The following ACTR3B variants were observed in gnomAD, a reference collection of about 807,000 sequenced individuals.
ACTR3B encodes the protein actin-related protein 3B.
Under a neutral mutation model 59.0 loss-of-function variants are expected in ACTR3B, and 8 were observed. The ratio of observed to expected loss-of-function variants is 0.14; its 90% CI spans 0.08 to 0.24. The LOEUF is 0.24. Among genes scored for constraint, ACTR3B ranks in the 10% least tolerant of loss-of-function variants. The pLI is 1.00. For synonymous variants in ACTR3B, 148 were observed against 197.9 expected (o/e 0.75, Z 2.12); for missense variants, 245 against 552.3 (o/e 0.44, Z 5.58).
At chr7:152,831,543 C>T (rs980650851) in intron 9 of ACTR3B, among the ~76,000 whole-genome samples, 8 of 152,238 alleles carry the variant, frequency 5.3e-5, no homozygotes, top group African/African-American at 1.9e-4. Context: ...GCGTTTTAAA[C>T]TTTAACTATT....
chr7:152,818,330 G>A (rs2948935), intron 6 of ACTR3B, among the ~76,000 whole-genome samples: 197 of 152,004 alleles, frequency 1.3e-3, no homozygotes, highest in African/African-American at 4.5e-3. Context: ...TCCTCCAGCT[G>A]TAAAAATTAC....
chr7:152,801,969 C>A (rs890418506), intron 4 of ACTR3B, among the ~76,000 whole-genome samples: 1 of 151,996 alleles, frequency 6.6e-6, no homozygotes, highest in Non-Finnish European at 1.5e-5. Flanking sequence ...AGCAGCTCAG[C>A]GATGGAATTG....
At chr7:152,816,410 C>T in intron 5 of ACTR3B, 71 bp from the exon 6 acceptor site, 1 of 1,393,130 alleles carries the variant, frequency 7.2e-7, no homozygotes, top group South Asian at 1.4e-5. Context: ...GTTGATTGGA[C>T]CTGGAAGGAG....
At chr7:152,769,901 TAAAA>T (rs575332763) in intron 1 of ACTR3B, among the ~76,000 whole-genome samples, 3 of 151,758 alleles carry the variant, frequency 2.0e-5, no homozygotes, top group Admixed American at 6.6e-5. Context: ...TACTTCTAAT[TAAAA>T]AAATTATTAG....
intron 9 of ACTR3B, among the ~76,000 whole-genome samples, chr7:152,847,079 T>C (rs1290665142): frequency 1.6e-5 from 2 of 122,644 alleles, no homozygotes; most frequent in Non-Finnish European, 3.4e-5. Context: ...AGCCCCAGTG[T>C]CCGGGCTGTA....
chr7:152,768,187 TAC>T (rs2098115543), intron 1 of ACTR3B, among the ~76,000 whole-genome samples: 1 of 152,224 alleles, frequency 6.6e-6, no homozygotes, highest in South Asian at 2.1e-4. Context: ...TGAGCCACTG[TAC>T]TCCAGCCTGG....
intron 9 of ACTR3B, among the ~76,000 whole-genome samples, chr7:152,849,642 A>G (rs1798638060): frequency 2.6e-5 from 4 of 152,260 alleles, no homozygotes. Flanking sequence ...GGTCCTGTGC[A>G]TAATGTTTTT....
chr7:152,817,243 G>C (rs370607127), intron 6 of ACTR3B, among the ~76,000 whole-genome samples: 2 of 152,320 alleles, frequency 1.3e-5, no homozygotes, highest in East Asian at 3.9e-4. Context: ...AATTAGCCAG[G>C]TGTGGTGGCG....
At chr7:152,781,757 A>G (rs1437708571) in intron 1 of ACTR3B, among the ~76,000 whole-genome samples, 1 of 152,098 alleles carries the variant, frequency 6.6e-6, no homozygotes, top group Non-Finnish European at 1.5e-5. Context: ...CAGGCTCTCT[A>G]TTGCCTCCAC....
intron 1 of ACTR3B, among the ~76,000 whole-genome samples, chr7:152,778,765 C>T (rs2098142458): frequency 6.6e-6 from 1 of 150,954 alleles, no homozygotes; most frequent in Admixed American, 6.6e-5. Flanking sequence ...CATAGGAAGA[C>T]CCCTCTGTAC....
intron 9 of ACTR3B, among the ~76,000 whole-genome samples, chr7:152,843,206 T>G (rs1473012546): frequency 1.3e-5 from 2 of 152,186 alleles, no homozygotes; most frequent in Non-Finnish European, 2.9e-5. Flanking sequence ...TTTATCAACT[T>G]TTTTCTTTTA....
chr7:152,772,847 CAAT>C (rs2098127407), intron 1 of ACTR3B, among the ~76,000 whole-genome samples: 1 of 151,652 alleles, frequency 6.6e-6, no homozygotes, highest in South Asian at 2.1e-4. Flanking sequence ...AATGTCAACA[CAAT>C]GATAACATGC....
intron 1 of ACTR3B, among the ~76,000 whole-genome samples, chr7:152,761,281 C>T (rs998511296): frequency 2.1e-4 from 32 of 152,250 alleles, no homozygotes; most frequent in African/African-American, 7.7e-4. Context: ...CTCATGCCCT[C>T]CCCCAATGGG....
At chr7:152,786,657 T>G (rs1343381302) in intron 2 of ACTR3B, among the ~76,000 whole-genome samples, 3 of 152,050 alleles carry the variant, frequency 2.0e-5, no homozygotes, top group Non-Finnish European at 2.9e-5. Context: ...CATCTCTGTA[T>G]CAGAGTAAAT....
Position 152,854,364 on chromosome 7 carries a change from C to T in ACTR3B, c.1162-94C>T, listed in dbSNP as rs946117552. ...CGGTCCTGGGAGGGAGGGTGGAGGC[C>T]GGGATGAGGAGAGTGTCTTGCCTGC... On this transcript the variant is annotated intron_variant, in intron 11 of 11. Coordinates refer to ENST00000256001, the MANE Select transcript of ACTR3B (RefSeq NM_020445.6). This position sits in a 1 kb window ranked among gnomAD's most constrained non-coding sequence, Gnocchi z 4.9. The T allele has an allele frequency of 4.1e-5, 47 of 1,132,926 alleles. No individual in the cohort carries two copies. The highest frequency in any genetic ancestry group is 5.3e-5 in the Admixed American group (3 of 57,062). 70.2% of individuals were successfully genotyped at this position (1,132,926 alleles called of 1,614,324 possible).
intron 9 of ACTR3B, among the ~76,000 whole-genome samples, chr7:152,847,183 A>G (rs561150229): frequency 1.3e-5 from 2 of 149,664 alleles, no homozygotes; most frequent in South Asian, 4.3e-4. Flanking sequence ...CCCGGGCTGT[A>G]GTCTGTAGTG....
chr7:152,801,522 C>T, intron 3 of ACTR3B, 99 bp from the exon 4 acceptor site: 2 of 1,517,804 alleles, frequency 1.3e-6, no homozygotes. Context: ...AGAAGGATAC[C>T]TTTATTCTTA....
chr7:152,782,930 TTA>T (rs1386666597), intron 1 of ACTR3B, among the ~76,000 whole-genome samples: 12 of 152,256 alleles, frequency 7.9e-5, no homozygotes, highest in African/African-American at 2.9e-4. Context: ...TAAATGTAAT[TTA>T]TATGTTAGTA....
intron 1 of ACTR3B, among the ~76,000 whole-genome samples, chr7:152,762,111 T>G (rs577195054): frequency 6.6e-6 from 1 of 152,344 alleles, no homozygotes; most frequent in South Asian, 2.1e-4. Context: ...ATAAACAGTA[T>G]TTTTTACAAA....
Sources: allele counts gnomAD v4.1 joint callset (sites outside exome capture counted in the v4.1 genomes callset), GRCh38; gene constraint gnomAD v4.1.1; non-coding constraint Gnocchi (gnomAD v3.1); transcripts MANE v1.5; gene names NCBI Gene and HGNC (gene_info 2026-07-23, HGNC 2026-07-21).